GLIS3: variants seen among roughly 807,000 people sequenced by gnomAD.
The protein encoded by GLIS3 is zinc finger protein GLIS3.
Under a neutral mutation model 78.6 loss-of-function variants are expected in GLIS3, and 53 were observed. The observed-to-expected ratio is 0.67, with a 90% CI of 0.54 to 0.85. The LOEUF is 0.85. Among genes scored for constraint, GLIS3 ranks in the 40% least tolerant of loss-of-function variants. GLIS3 has a pLI of 0.00. For synonymous variants in GLIS3, 684 were observed against 509.9 expected, an observed-to-expected ratio of 1.34 and a Z score of -4.60; for missense variants, 1,703 against 1,231.1, an observed-to-expected ratio of 1.38 and a Z score of -5.74.
the GLIS3 span, among the ~76,000 whole-genome samples, chr9:4,416,824 T>C: frequency 6.7e-6 from 1 of 148,720 alleles, no homozygotes; most frequent in African/African-American, 2.5e-5. Flanking sequence ...TTTTTTTTTT[T>C]TTTTTTTTTT....
intron 6 of GLIS3, among the ~76,000 whole-genome samples, chr9:3,904,426 C>G (rs1406279308): frequency 1.3e-5 from 2 of 152,320 alleles, no homozygotes; most frequent in East Asian, 3.9e-4. Context: ...TTGTCAGCCC[C>G]CATAATCTCA....
chr9:3,861,751 CAGGG>C (rs1820228097), intron 8 of GLIS3, among the ~76,000 whole-genome samples: 2 of 152,026 alleles, frequency 1.3e-5, no homozygotes, highest in Non-Finnish European at 2.9e-5. Context: ...CACATGGACA[CAGGG>C]AGGGGAACAG....
intron 2 of GLIS3, among the ~76,000 whole-genome samples, chr9:4,221,528 G>A (rs1821328728): frequency 6.6e-6 from 1 of 152,090 alleles, no homozygotes; most frequent in Non-Finnish European, 1.5e-5. Context: ...ATCAATTAGT[G>A]AAGCAAGAGG....
At chr9:4,113,430 A>G (rs1231726510) in intron 4 of GLIS3, among the ~76,000 whole-genome samples, 1 of 152,160 alleles carries the variant, frequency 6.6e-6, no homozygotes, top group East Asian at 1.9e-4. Flanking sequence ...AAGTGGTTAC[A>G]CCAATTTAGT....
chr9:4,057,683 C>T (rs939180207), intron 4 of GLIS3, among the ~76,000 whole-genome samples: 3 of 150,530 alleles, frequency 2.0e-5, no homozygotes, highest in Non-Finnish European at 4.4e-5. Flanking sequence ...AGATCGACTT[C>T]CTAGAGAACA....
the GLIS3 span, among the ~76,000 whole-genome samples, chr9:4,431,861 A>C: frequency 6.6e-6 from 1 of 152,144 alleles, no homozygotes; most frequent in East Asian, 1.9e-4. Context: ...AAAAAAAAAA[A>C]AAGCCATATA....
chr9:4,066,793 C>G (rs755453176), intron 4 of GLIS3, among the ~76,000 whole-genome samples: 1 of 152,224 alleles, frequency 6.6e-6, no homozygotes, highest in Non-Finnish European at 1.5e-5. Flanking sequence ...CTTGTTCTAG[C>G]GTGCTTGTCT....
intron 2 of GLIS3, among the ~76,000 whole-genome samples, chr9:4,195,716 A>G (rs781120974): frequency 5.3e-5 from 8 of 152,252 alleles, no homozygotes; most frequent in Non-Finnish European, 1.0e-4. Context: ...CGCGGGATCC[A>G]CTAGGCGAAG....
At chr9:4,175,567 A>T (rs1816741597) in intron 2 of GLIS3, among the ~76,000 whole-genome samples, 1 of 152,196 alleles carries the variant, frequency 6.6e-6, no homozygotes. Flanking sequence ...CAGACCCTGA[A>T]AATCAGAAAC....
intron 4 of GLIS3, among the ~76,000 whole-genome samples, chr9:4,042,332 A>T (rs1010566704): frequency 1.3e-5 from 2 of 152,212 alleles, no homozygotes; most frequent in Non-Finnish European, 2.9e-5. Context: ...AAATGGGAAC[A>T]GTGTTAACTG....
At chr9:4,045,954 G>T (rs890806527) in intron 4 of GLIS3, among the ~76,000 whole-genome samples, 1 of 152,024 alleles carries the variant, frequency 6.6e-6, no homozygotes, top group Non-Finnish European at 1.5e-5. Flanking sequence ...AGATCGGGGG[G>T]GAAATCATAA....
the GLIS3 span, among the ~76,000 whole-genome samples, chr9:4,467,656 T>G: frequency 2.3e-3 from 348 of 152,044 alleles, 2 homozygotes; most frequent in Non-Finnish European, 1.2e-3. Flanking sequence ...AGAACAAAGG[T>G]AGATAAAACC....
At chr9:3,898,949 A>C in intron 6 of GLIS3, 114 bp from the exon 7 acceptor site, 2 of 1,324,214 alleles carry the variant, frequency 1.5e-6, no homozygotes, top group Admixed American at 3.7e-5. Flanking sequence ...TTTATCAAGC[A>C]GCAACTACGG....
At chr9:4,203,227 C>T (rs1432289569) in intron 2 of GLIS3, among the ~76,000 whole-genome samples, 1 of 152,152 alleles carries the variant, frequency 6.6e-6, no homozygotes, top group Non-Finnish European at 1.5e-5. Flanking sequence ...AAGAAATGCT[C>T]TGCAGCAGTA....
chr9:4,062,638 T>A (rs1474279795), intron 4 of GLIS3, among the ~76,000 whole-genome samples: 1 of 152,156 alleles, frequency 6.6e-6, no homozygotes, highest in Non-Finnish European at 1.5e-5. Flanking sequence ...TATGTAAGAA[T>A]GTGAAGTGGC....
At chr9:4,188,546 G>A (rs1043125564) in intron 2 of GLIS3, among the ~76,000 whole-genome samples, 1 of 151,714 alleles carries the variant, frequency 6.6e-6, no homozygotes, top group Non-Finnish European at 1.5e-5. Flanking sequence ...TTTTTCTATT[G>A]ATTGGAATAG....
At chr9:4,462,763 C>G in the GLIS3 span, among the ~76,000 whole-genome samples, 3 of 152,094 alleles carry the variant, frequency 2.0e-5, no homozygotes, top group Non-Finnish European at 4.4e-5. Flanking sequence ...TGAACCATGG[C>G]TGTGCCCCTG....
intron 2 of GLIS3, among the ~76,000 whole-genome samples, chr9:4,253,709 G>C (rs1423321774): frequency 6.6e-6 from 1 of 152,190 alleles, no homozygotes; most frequent in Non-Finnish European, 1.5e-5. Flanking sequence ...GCCCAGTTTT[G>C]TGCTTGAAAC....
chr9:3,893,351 C>T (rs1822590115), intron 7 of GLIS3, among the ~76,000 whole-genome samples: 1 of 152,100 alleles, frequency 6.6e-6, no homozygotes, highest in South Asian at 2.1e-4. Flanking sequence ...AACTGAAGCA[C>T]CAAATTAAGC....
Sources: gnomAD v4.1 joint callset for allele counts (sites outside exome capture counted in the v4.1 genomes callset) on GRCh38, gnomAD v4.1.1 for gene constraint, MANE v1.5 for transcripts, NCBI Gene and HGNC (gene_info 2026-07-23, HGNC 2026-07-21) for gene names.